Variants in CCDC73 observed in about 807,000 individuals in gnomAD.
The protein encoded by CCDC73 is coiled-coil domain-containing protein 73.
In CCDC73, 95 loss-of-function variants were observed where a neutral mutation model predicts 116.5. That is an observed-to-expected ratio of 0.82 (90% CI 0.69 to 0.97). The LOEUF is 0.97. Among genes scored for constraint, CCDC73 ranks in the 50% least tolerant of loss-of-function variants. CCDC73 has a pLI of 0.00. For synonymous variants in CCDC73, 398 were observed against 401.3 expected, an observed-to-expected ratio of 0.99 and a Z score of 0.10; for missense variants, 1,066 against 1,206.8, an observed-to-expected ratio of 0.88 and a Z score of 1.73.
At chr11:32,755,376 A>C (rs898860717) in intron 2 of CCDC73, among the ~76,000 whole-genome samples, 3 of 146,514 alleles carry the variant, frequency 2.0e-5, no homozygotes, top group Middle Eastern at 3.6e-3. Context: ...TCTACCAAAA[A>C]TACAAAAATT....
At chr11:32,700,396 T>C (rs1229532802) in intron 5 of CCDC73, among the ~76,000 whole-genome samples, 1 of 152,216 alleles carries the variant, frequency 6.6e-6, no homozygotes, top group African/African-American at 2.4e-5. Flanking sequence ...GTCATTTCCA[T>C]ATTTTTTAAA....
At chr11:32,698,726 T>C (rs1401558450) in intron 6 of CCDC73, among the ~76,000 whole-genome samples, 1 of 152,234 alleles carries the variant, frequency 6.6e-6, no homozygotes, top group African/African-American at 2.4e-5. Context: ...TTGTTTATCA[T>C]TGCTGTATCC....
chr11:32,732,995 A>T (rs10835962), intron 2 of CCDC73, among the ~76,000 whole-genome samples: 89,111 of 151,954 alleles, frequency 0.59, 26,454 homozygotes, highest in East Asian at 0.84. Flanking sequence ...AGAGTCAAGA[A>T]CCATCAGCTT....
At chr11:32,607,079 AATTTTTTT>A (rs1565054210) in intron 17 of CCDC73, among the ~76,000 whole-genome samples, 7 of 119,204 alleles carry the variant, frequency 5.9e-5, no homozygotes, top group African/African-American at 2.0e-4. Context: ...GCCAAAAATA[AATTTTTTT>A]TTTTTTTTTT....
At chr11:32,773,850 AG>A (rs1181914310) in intron 1 of CCDC73, among the ~76,000 whole-genome samples, 1 of 151,964 alleles carries the variant, frequency 6.6e-6, no homozygotes, top group African/African-American at 2.4e-5. Flanking sequence ...CTGGGTGATC[AG>A]GTAACAAAAC....
intron 14 of CCDC73, among the ~76,000 whole-genome samples, chr11:32,626,657 T>C (rs12785792): frequency 0.45 from 67,885 of 151,600 alleles, 15,789 homozygotes; most frequent in African/African-American, 0.54. Flanking sequence ...GAACAGAGCC[T>C]TCAGAAATAA....
At chr11:32,820,041 A>T in the CCDC73 span, among the ~76,000 whole-genome samples, 2 of 152,220 alleles carry the variant, frequency 1.3e-5, no homozygotes, top group Admixed American at 1.3e-4. Flanking sequence ...TGCTTTTGTA[A>T]TAGAAAATAA....
At chr11:32,754,187 C>T (rs996362096) in intron 2 of CCDC73, among the ~76,000 whole-genome samples, 4 of 152,142 alleles carry the variant, frequency 2.6e-5, no homozygotes, top group African/African-American at 9.7e-5. Flanking sequence ...GCTCTAAAAA[C>T]CACTGCATTA....
intron 1 of CCDC73, among the ~76,000 whole-genome samples, chr11:32,783,093 A>C (rs1321838040): frequency 6.6e-6 from 1 of 152,132 alleles, no homozygotes; most frequent in Non-Finnish European, 1.5e-5. Context: ...AAGTGCCAGC[A>C]CCAAGACACA....
At chr11:32,706,981 T>G (rs1325480327) in intron 3 of CCDC73, among the ~76,000 whole-genome samples, 1 of 152,176 alleles carries the variant, frequency 6.6e-6, no homozygotes, top group African/African-American at 2.4e-5. Context: ...CTGGTAACTT[T>G]ATGTATGATC....
rs769837758 is a variant in CCDC73 at position 32,602,917 on chromosome 11, G to T, written c.3134C>A (p.Thr1045Lys). 2 of 1,612,204 alleles carry T rather than the reference G, an allele frequency of 1.2e-6. No homozygotes were observed. Among genetic ancestry groups the T allele is most frequent in the African/African-American group, 2.7e-5 (2 of 74,756 alleles). Residue 1045 changes from threonine to lysine, a missense_variant, in exon 18 of 18, where the codon ACG becomes AAG. Physicochemically the swap from Thr to Lys is moderately conservative, Grantham distance 78. Transcript: ENST00000335185. ...SGDDDWQSLITNQLNKSENLL... is the reference protein window; with the variant it reads ...SGDDDWQSLIKNQLNKSENLL... ...ATTTTCACTTTTATTTAGTTGATTCGTAATGAGGCTCTGCCAGTCATCATC... is the reference window on the plus strand; with the variant it reads ...ATTTTCACTTTTATTTAGTTGATTCTTAATGAGGCTCTGCCAGTCATCATC...
At chr11:32,752,693 C>A (rs1307936622) in intron 2 of CCDC73, among the ~76,000 whole-genome samples, 1 of 152,032 alleles carries the variant, frequency 6.6e-6, no homozygotes, top group East Asian at 1.9e-4. Flanking sequence ...TTTATGATTA[C>A]TTGTATTTCT....
intron 17 of CCDC73, among the ~76,000 whole-genome samples, chr11:32,606,803 ATTCT>A (rs1402993547): frequency 9.8e-5 from 13 of 132,524 alleles, no homozygotes; most frequent in Admixed American, 1.6e-4. Context: ...ATAAAAATAA[ATTCT>A]TTTTTTTTTT....
chr11:32,773,861 CAG>C (rs1424641619), intron 1 of CCDC73, among the ~76,000 whole-genome samples: 1 of 151,752 alleles, frequency 6.6e-6, no homozygotes, highest in Non-Finnish European at 1.5e-5. Context: ...GGTAACAAAA[CAG>C]ATTTTTCATT....
chr11:32,750,640 G>A (rs1053223728), intron 2 of CCDC73, among the ~76,000 whole-genome samples: 14 of 152,204 alleles, frequency 9.2e-5, no homozygotes, highest in African/African-American at 3.4e-4. Flanking sequence ...CCAACAGGGA[G>A]TATTGACAGG....
At chr11:32,647,398 G>C (rs1465746764) in intron 12 of CCDC73, among the ~76,000 whole-genome samples, 1 of 152,124 alleles carries the variant, frequency 6.6e-6, no homozygotes, top group Non-Finnish European at 1.5e-5. Context: ...CTGCCCCCGT[G>C]ACGCACACAC....
At chr11:32,760,376 T>G in intron 1 of CCDC73, 118 bp from the exon 2 acceptor site, 1 of 599,274 alleles carries the variant, frequency 1.7e-6, no homozygotes, top group Non-Finnish European at 2.9e-6. Flanking sequence ...CAGCACTGAA[T>G]AACAGTTGTG....
At chr11:32,755,336 C>A (rs1850323107) in intron 2 of CCDC73, among the ~76,000 whole-genome samples, 1 of 145,714 alleles carries the variant, frequency 6.9e-6, no homozygotes, top group Non-Finnish European at 1.5e-5. Flanking sequence ...GAGATCGAGG[C>A]CAGCCTGGCC....
chr11:32,658,908 A>G (rs532441730), intron 9 of CCDC73, among the ~76,000 whole-genome samples: 4 of 152,334 alleles, frequency 2.6e-5, no homozygotes, highest in African/African-American at 7.2e-5. Flanking sequence ...ATGCGAAAGG[A>G]AGAAACACAA....
Sources: allele counts gnomAD v4.1 joint callset (sites outside exome capture counted in the v4.1 genomes callset), GRCh38; gene constraint gnomAD v4.1.1; transcripts MANE v1.5; gene names NCBI Gene and HGNC (gene_info 2026-07-23, HGNC 2026-07-21).